Variants in ADGRB1 observed in about 807,000 individuals in gnomAD.
The protein encoded by ADGRB1 is brain-specific angiogenesis inhibitor 1.
A neutral mutation model predicts 175.7 loss-of-function variants in ADGRB1; 36 were observed. The observed-to-expected ratio is 0.20, with a 90% CI of 0.16 to 0.27. The LOEUF is 0.27. Ranked by LOEUF, ADGRB1 falls within the 10% of genes least tolerant of loss-of-function variation. The pLI, the probability that ADGRB1 is intolerant of heterozygous loss-of-function variation, is 1.00. For missense variants in ADGRB1, 1,731 were observed against 2,255.3 expected, an observed-to-expected ratio of 0.77 and a Z score of 4.71; for synonymous variants, 1,054 against 979.4, an observed-to-expected ratio of 1.08 and a Z score of -1.42.
Position 142,464,527 on chromosome 8 carries a change from C to T in ADGRB1, c.329C>T (p.Ser110Phe). 3 of 1,573,444 alleles carry T rather than the reference C, an allele frequency of 1.9e-6. No homozygotes were observed. The highest frequency in any genetic ancestry group is 2.6e-6 in the Non-Finnish European group (3 of 1,162,682). The change falls in exon 2 of 31, where the codon TCC (serine) becomes TTC (phenylalanine). Residue 110 changes from serine (S) to phenylalanine (F), a missense_variant. Around this residue, in one of 8 missense-constraint regions of ADGRB1, gnomAD observed 383 missense variants for 383.1 expected, o/e 1.00. Transcript: ENST00000517894. ...TACCAGTTCGACTCCTTCCTCGAGT[C>T]CACGCGCACCTACCTGGGCGTGGAG... is the stretch of plus-strand genomic sequence containing the variant. ...RTYQFDSFLE[S>F]TRTYLGVESF...
chr8:142,514,463 C>T (rs1238413978), intron 18 of ADGRB1, among the ~76,000 whole-genome samples: 1 of 152,156 alleles, frequency 6.6e-6, no homozygotes, highest in East Asian at 1.9e-4. Context: ...TGCCACCTGT[C>T]TCAGAGTGGT....
In ADGRB1 at chr8:142,475,578, G is replaced by A; in HGVS notation, c.889G>A (p.Gly297Ser). The A allele has an allele frequency of 4.0e-6, 5 of 1,261,548 alleles. No homozygotes were observed. Among genetic ancestry groups the A allele is most frequent in the Non-Finnish European group, 5.0e-6 (5 of 1,003,838 alleles). The allele number at this position is 1,261,548 out of a possible 1,614,324, so 78.1% of individuals were successfully genotyped here. The change falls in exon 3 of 31, where the codon GGC becomes AGC. Residue 297 changes from glycine (G) to serine (S), a missense_variant. Around this residue, in one of 8 missense-constraint regions of ADGRB1, gnomAD observed 178 missense variants for 227.8 expected, o/e 0.78. Coordinates refer to ENST00000517894, the MANE Select transcript of ADGRB1 (RefSeq NM_001702.3). ...CCTGCCCGCGCCGGGCGTGGAGGGCGGCGGCTGCGAGGGGGTGCTGGAGGA... is the reference window on the plus strand; with the variant it reads ...CCTGCCCGCGCCGGGCGTGGAGGGCAGCGGCTGCGAGGGGGTGCTGGAGGA... ...TCLPAPGVEG[G>S]GCEGVLEEGR...
chr8:142,533,480 C>G lies in ADGRB1; in HGVS notation c.3570+14C>G, dbSNP rs1844744056. ...CTCCGTAGAGAGGTGGGTGAGGCAGCCTCTGTCGGGCCGGGCTCCTGCGGG... is the reference window on the plus strand; with the variant it reads ...CTCCGTAGAGAGGTGGGTGAGGCAGGCTCTGTCGGGCCGGGCTCCTGCGGG... On this transcript the variant is annotated intron_variant, in intron 25 of 30. Coordinates refer to ENST00000517894, the MANE Select transcript of ADGRB1 (RefSeq NM_001702.3). The G allele has an allele frequency of 3.2e-6, 5 of 1,579,838 alleles. No homozygotes were observed. The highest frequency in any genetic ancestry group is 4.3e-6 in the Non-Finnish European group (5 of 1,155,912).
intron 24 of ADGRB1, among the ~76,000 whole-genome samples, chr8:142,532,516 G>A (rs1235756045): frequency 6.6e-6 from 1 of 152,164 alleles, no homozygotes; most frequent in Non-Finnish European, 1.5e-5. Context: ...ACAGGCAGGT[G>A]GCCGCTGGGG....
chr8:142,524,810 G>A (rs986530128), intron 23 of ADGRB1, among the ~76,000 whole-genome samples: 1 of 152,098 alleles, frequency 6.6e-6, no homozygotes, highest in Non-Finnish European at 1.5e-5. Flanking sequence ...TAGTGTGGAG[G>A]AAGGCAAGAC....
At chr8:142,502,372 G>A (rs113938964) in intron 17 of ADGRB1, among the ~76,000 whole-genome samples, 1,988 of 139,918 alleles carry the variant, frequency 0.014, 61 homozygotes, top group African/African-American at 0.051. Flanking sequence ...TAATGGTTGC[G>A]TGGTTTTGAT....
chr8:142,529,354 G>C (rs1294145798), intron 24 of ADGRB1, among the ~76,000 whole-genome samples: 3 of 152,146 alleles, frequency 2.0e-5, no homozygotes, highest in Non-Finnish European at 4.4e-5. Flanking sequence ...GTGTGTGTGT[G>C]TGCCCATGTG....
intron 24 of ADGRB1, 73 bp from the exon 25 acceptor site, chr8:142,533,222 G>T (rs990674412): frequency 1.4e-6 from 2 of 1,390,130 alleles, no homozygotes; most frequent in Admixed American, 2.7e-5. Context: ...GAGGCCTGGA[G>T]ATGCAGGGTT....
chr8:142,450,095 G>T lies in ADGRB1; in HGVS notation c.-229G>T, dbSNP rs1169723519. ...AGTCCTCGCCGGCGGGGCCGCTGCT[G>T]CTGGGGAAGGTAAGGAAGGCTCCGG... On this transcript the variant is annotated 5_prime_UTR_variant, in exon 1 of 31. Coordinates refer to ENST00000517894, the MANE Select transcript of ADGRB1 (RefSeq NM_001702.3). 6.7e-6 allele frequency: 1 copy of T among 148,938 alleles called. No individual in the cohort carries two copies. Among genetic ancestry groups the T allele is most frequent in the African/African-American group, 2.5e-5 (1 of 40,612 alleles). The allele number at this position is 148,938 out of a possible 1,614,324, so 9.2% of individuals were successfully genotyped here.
chr8:142,468,438 G>A (rs1020680033), intron 2 of ADGRB1, among the ~76,000 whole-genome samples: 7 of 152,224 alleles, frequency 4.6e-5, no homozygotes, highest in African/African-American at 1.4e-4. Context: ...TCTTGTGCAG[G>A]ATGGGGTGGA....
intron 22 of ADGRB1, 40 bp from the exon 23 acceptor site, chr8:142,524,198 T>C (rs1844036064): frequency 6.3e-7 from 1 of 1,581,096 alleles, no homozygotes; most frequent in Non-Finnish European, 8.5e-7. Context: ...TGCACGCCCC[T>C]CTGCACACGG....
intron 19 of ADGRB1, among the ~76,000 whole-genome samples, chr8:142,519,066 C>T (rs1174532077): frequency 6.6e-6 from 1 of 152,110 alleles, no homozygotes; most frequent in African/African-American, 2.4e-5. Context: ...CAGGGGCTCT[C>T]CACTGTCCTG....
intron 2 of ADGRB1, among the ~76,000 whole-genome samples, chr8:142,470,590 GTCC>G (rs1240716984): frequency 4.6e-5 from 7 of 152,184 alleles, no homozygotes; most frequent in Non-Finnish European, 7.4e-5. Flanking sequence ...GTGCCTGTGT[GTCC>G]TCGAGTGTAT....
Position 142,524,291 on chromosome 8 carries a change from C to A in ADGRB1, c.3299C>A (p.Ala1100Asp). 6.2e-7 allele frequency: 1 copy of A among 1,600,028 alleles called. No individual in the cohort carries two copies. ...GLLYAFVGPA[A>D]AVVLVNMVIG... ...CTCTATGCCTTCGTGGGACCTGCCG[C>A]TGCCGTTGTGCTGGTACTGACCCGC... The change falls in exon 23 of 31, where the codon GCT (alanine) becomes GAT (aspartate). Residue 1100 changes from alanine to aspartate, a missense_variant. By Grantham distance (126) the Ala-to-Asp change is moderately radical. This residue lies in a region of ADGRB1 where 301 missense variants were observed against 488.4 expected (regional missense o/e 0.62). Transcript: ENST00000517894.
intron 24 of ADGRB1, among the ~76,000 whole-genome samples, chr8:142,528,115 G>A (rs1197959694): frequency 6.6e-6 from 1 of 152,202 alleles, no homozygotes; most frequent in Admixed American, 6.5e-5. Context: ...CGGTCTATGT[G>A]TGCACGCACA....
chr8:142,462,481 C>T (rs1475892103), intron 1 of ADGRB1, among the ~76,000 whole-genome samples: 1 of 152,244 alleles, frequency 6.6e-6, no homozygotes, highest in African/African-American at 2.4e-5. Flanking sequence ...AGCCTCCGGC[C>T]TCCTGGCTCC....
Position 142,502,438 on chromosome 8 carries a change from GTGGT to G in ADGRB1, c.2676-8493_2676-8490del. The stretch of plus-strand genomic sequence containing the variant: ...GGTGGTGATGGTGGTGGTGGTGGTA[GTGGT>G]GGTGATGATGGGGTGGTGCAGTCAT... On this transcript the variant is annotated intron_variant, in intron 17 of 30. Transcript: ENST00000517894. Among the ~76,000 whole-genome samples the G allele has an allele frequency of 3.1e-3, 2 of 646 alleles. 1 individual carries two copies. 0.4% of individuals were successfully genotyped at this position (646 alleles called of 152,430 possible).
chr8:142,471,834 C>T (rs1285259746), intron 2 of ADGRB1, among the ~76,000 whole-genome samples: 1 of 152,240 alleles, frequency 6.6e-6, no homozygotes, highest in Admixed American at 6.5e-5. Context: ...TGGGCTAAGT[C>T]AGGCCACCAG....
At position 142,473,361 on chromosome 8, in the gene ADGRB1, C is replaced by T. The variant is rs918374157; in HGVS notation, c.785-2113C>T. ...AATCGGGGTGGTGGGATGCCTTCAG[C>T]AGATGAGACCACTGAGGCCCGGAGC... On this transcript the variant is annotated intron_variant, in intron 2 of 30. Coordinates refer to ENST00000517894, the MANE Select transcript of ADGRB1 (RefSeq NM_001702.3). 2.6e-5 allele frequency among the ~76,000 whole-genome samples: 4 copies of T among 152,328 alleles called. No individual in the cohort carries two copies. The East Asian group carries it at 7.7e-4, about 29-fold the overall frequency.
Sources: allele counts gnomAD v4.1 joint callset (sites outside exome capture counted in the v4.1 genomes callset), GRCh38; gene constraint gnomAD v4.1.1; regional missense constraint gnomAD v4.1.1; transcripts MANE v1.5; gene names NCBI Gene and HGNC (gene_info 2026-07-23, HGNC 2026-07-21).